The following BSX variants were observed in gnomAD, a reference collection of about 807,000 sequenced individuals.
The protein encoded by BSX is brain-specific homeobox protein homolog.
A neutral mutation model predicts 16.9 loss-of-function variants in BSX; 12 were observed. The observed-to-expected ratio is 0.71, with a 90% CI of 0.46 to 1.15. The LOEUF (loss-of-function observed/expected upper bound fraction) is 1.15. BSX is among the 50% of genes most tolerant of loss of function. The pLI is 0.00. For synonymous variants in BSX, 160 were observed against 136.4 expected (o/e 1.17, Z -1.20); for missense variants, 292 against 311.8 (o/e 0.94, Z 0.48).
intron 1 of BSX, among the ~76,000 whole-genome samples, chr11:122,981,020 G>A (rs751322622): frequency 6.6e-6 from 1 of 152,154 alleles, no homozygotes; most frequent in Non-Finnish European, 1.5e-5. Flanking sequence ...CCATGGGGTG[G>A]GATGGTCAAG....
chr11:122,978,721 C>G (rs548147850), intron 2 of BSX, among the ~76,000 whole-genome samples: 2 of 150,984 alleles, frequency 1.3e-5, no homozygotes, highest in South Asian at 2.1e-4. Context: ...TCCAGAGCCC[C>G]GCTCGAGAAA....
At position 122,979,207 on chromosome 11, in the gene BSX, T is replaced by C. The variant is rs1451630881; in HGVS notation, c.459+54A>G. ...ACAAGGTCCCGAAGGTATTAAGACT[T>C]GAAGGCAGAGAGGAACGAAGCAGAG... On this transcript the variant is annotated intron_variant, in intron 2 of 2. Transcript: ENST00000343035. 4 of 1,519,824 alleles carry C rather than the reference T, an allele frequency of 2.6e-6. No homozygotes were observed. In the African/African-American group the frequency reaches 5.5e-5, roughly 21 times the overall value. The allele number at this position is 1,519,824 out of a possible 1,614,324, so 94.1% of individuals were successfully genotyped here.
rs776621311 is a variant in BSX at position 122,977,680 on chromosome 11, C to G, written c.671G>C (p.Gly224Ala). 6.2e-7 allele frequency: 1 copy of G among 1,611,576 alleles called. No homozygotes were observed. The highest frequency in any genetic ancestry group is 8.5e-7 in the Non-Finnish European group (1 of 1,179,826). Residue 224 changes from glycine to alanine, a missense_variant, in exon 3 of 3, where the codon GGG (glycine) becomes GCG (alanine). By Grantham distance (60) the Gly-to-Ala change is moderately conservative. Coordinates refer to ENST00000343035, the MANE Select transcript of BSX (RefSeq NM_001098169.2). This position sits in a 1 kb window ranked among gnomAD's most constrained non-coding sequence, Gnocchi z 4.5. Reference sequence around the variant, plus strand: ...CACGTGCGGCCCTGAGCCCAGCTCCCCCTCGTCTCCAATGTCCACCTCGTC... The same window carrying G: ...CACGTGCGGCCCTGAGCCCAGCTCCGCCTCGTCTCCAATGTCCACCTCGTC... ...PEDEVDIGDE[G>A]ELGSGPHVL is the part of the protein sequence containing the mutation.
At chr11:122,979,170 T>C (rs1318361822) in intron 2 of BSX, 91 bp downstream of exon 2, 6 of 1,229,566 alleles carry the variant, frequency 4.9e-6, no homozygotes, top group Admixed American at 2.3e-5. Flanking sequence ...GGTCTATTTC[T>C]ACTCGAACTC....
chr11:122,981,524 G>A lies in BSX; in HGVS notation c.148C>T (p.Pro50Ser). The A allele has an allele frequency of 1.9e-6, 3 of 1,596,692 alleles. No individual in the cohort carries two copies. The South Asian group carries it at 3.4e-5, about 18-fold the overall frequency. Residue 50 changes from proline (P) to serine (S), a missense_variant, in exon 1 of 3, where the codon CCT becomes TCT. Pro to Ser is a moderately conservative substitution (Grantham distance 74). This residue lies in a region of BSX where 176 missense variants were observed against 187.2 expected (regional missense o/e 0.94). Transcript: ENST00000343035. ...HFASSLASRV[P>S]LLDYGYPLMP... is the part of the protein sequence containing the mutation. ...AGGGGGTAGCCATAGTCTAGCAGAG[G>A]CACCCGAGAGGCCAGAGAGCTGGCG... is the stretch of plus-strand genomic sequence containing the variant.
At position 122,979,336 on chromosome 11, in the gene BSX, C is replaced by T; in HGVS notation, c.384G>A (p.Arg128=). ...TGGACAGGTAGCGCTGGATCTCGAA[C>T]CTCTTCTCCAAGCCCGAGAGCTGCG... ...SDSQLSGLEK[R]FEIQRYLSTP... Residue 128 remains arginine, a synonymous_variant, in exon 2 of 3, where the codon AGG becomes AGA. Coordinates refer to ENST00000343035, the MANE Select transcript of BSX (RefSeq NM_001098169.2). 6.2e-7 allele frequency: 1 copy of T among 1,614,158 alleles called. No homozygotes were observed. Among genetic ancestry groups the T allele is most frequent in the Non-Finnish European group, 8.5e-7 (1 of 1,180,016 alleles).
intron 1 of BSX, among the ~76,000 whole-genome samples, chr11:122,980,417 G>A (rs549977445): frequency 6.6e-6 from 1 of 152,126 alleles, no homozygotes; most frequent in Non-Finnish European, 1.5e-5. Flanking sequence ...TCACCGGCGG[G>A]TGGTGAAGCC....
rs1453641893 is a variant in BSX, at chr11:122,979,375, C to G, written c.345G>C (p.Thr115=). 6.2e-7 allele frequency: 1 copy of G among 1,614,136 alleles called. No homozygotes were observed. Among genetic ancestry groups the G allele is most frequent in the Non-Finnish European group, 8.5e-7 (1 of 1,180,012 alleles). ...GKHCRRRKAR[T]VFSDSQLSGL... ...CCGAGAGCTGCGAGTCAGAGAAAAC[C>G]GTGCGGGCTTTGCGGCGGCGGCAGT... is the stretch of plus-strand genomic sequence containing the variant. The change falls in exon 2 of 3, where the codon ACG becomes ACC. Residue 115 remains threonine, a synonymous_variant. Transcript: ENST00000343035.
At chr11:122,979,105 G>A (rs1864536686) in intron 2 of BSX, among the ~76,000 whole-genome samples, 156 bp downstream of exon 2, 4 of 152,092 alleles carry the variant, frequency 2.6e-5, no homozygotes, top group Admixed American at 2.6e-4. Context: ...CGCCCGGCCA[G>A]GTGTAGGTAA....
At chr11:122,978,663 T>G (rs888864723) in intron 2 of BSX, among the ~76,000 whole-genome samples, 3 of 152,034 alleles carry the variant, frequency 2.0e-5, no homozygotes, top group African/African-American at 2.4e-5. Flanking sequence ...TAAGAGTTCT[T>G]AACCTGGAGG....
chr11:122,981,626 T>G lies in BSX; in HGVS notation c.46A>C (p.Arg16=), dbSNP rs1239739826. The G allele has an allele frequency of 6.3e-7, 1 of 1,598,428 alleles. No homozygotes were observed. Among genetic ancestry groups the G allele is most frequent in the South Asian group, 1.1e-5 (1 of 88,156 alleles). ...TSPLHPASSQ[R]PTSFFIEDIL... ...TCCTCGATGAAGAAGGATGTGGGCCTCTGAGAAGACGCCGGGTGTAGAGGA... is the reference window on the plus strand; with the variant it reads ...TCCTCGATGAAGAAGGATGTGGGCCGCTGAGAAGACGCCGGGTGTAGAGGA... Residue 16 remains arginine, a synonymous_variant, in exon 1 of 3, where the codon AGG becomes CGG. Transcript: ENST00000343035.
At chr11:122,978,795 CTTTTTTTTTTTT>C (rs35567142) in intron 2 of BSX, among the ~76,000 whole-genome samples, 1 of 64,776 alleles carries the variant, frequency 1.5e-5, no homozygotes, top group African/African-American at 5.5e-5. Flanking sequence ...TTTTTCTTTT[CTTTTTTTTTTTT>C]TTTTTTTTTT....
chr11:122,981,748 A>C lies in BSX; in HGVS notation c.-77T>G, dbSNP rs1448790540. 3.0e-5 allele frequency: 43 copies of C among 1,414,640 alleles called. No homozygotes were observed. Among genetic ancestry groups the C allele is most frequent in the Non-Finnish European group, 4.0e-5 (43 of 1,063,828 alleles). The allele number at this position is 1,414,640 out of a possible 1,614,324, so 87.6% of individuals were successfully genotyped here. A position where few individuals can be genotyped will look rare whatever the true frequency, so the allele number is the denominator to read the frequency against. Reference sequence around the variant, plus strand: ...CAGGCAGAGTCTCCAAGCCTGCTCGAAAGCCGGCAACCACCCTCCGAGGCT... The same window carrying C: ...CAGGCAGAGTCTCCAAGCCTGCTCGCAAGCCGGCAACCACCCTCCGAGGCT... On this transcript the variant is annotated 5_prime_UTR_variant, in exon 1 of 3. Transcript: ENST00000343035.
In BSX at chr11:122,981,514, T is replaced by C. The variant is rs1864571237; in HGVS notation, c.158A>G (p.Asp53Gly). The stretch of plus-strand genomic sequence containing the variant: ...TGTGGGCATGAGGGGGTAGCCATAG[T>C]CTAGCAGAGGCACCCGAGAGGCCAG... ...SSLASRVPLL[D>G]YGYPLMPTPT... Residue 53 changes from aspartate (D) to glycine (G), a missense_variant, in exon 1 of 3, where the codon GAC becomes GGC. Around this residue, in one of 3 missense-constraint regions of BSX, gnomAD observed 176 missense variants for 187.2 expected, o/e 0.94. Transcript: ENST00000343035. The C allele has an allele frequency of 6.3e-7, 1 of 1,594,506 alleles. No individual in the cohort carries two copies. Among genetic ancestry groups the C allele is most frequent in the Non-Finnish European group, 8.5e-7 (1 of 1,170,450 alleles).
chr11:122,980,849 C>T (rs1439297824), intron 1 of BSX, among the ~76,000 whole-genome samples: 1 of 152,142 alleles, frequency 6.6e-6, no homozygotes, highest in Non-Finnish European at 1.5e-5. Flanking sequence ...CTGCATCTCC[C>T]CCTACCCCCC....
chr11:122,981,126 A>C (rs1864562997), intron 1 of BSX, among the ~76,000 whole-genome samples: 1 of 152,176 alleles, frequency 6.6e-6, no homozygotes. Context: ...AGCACTGCCT[A>C]CCAAGAGTAT....
chr11:122,979,228 C>G (rs1864538167), intron 2 of BSX, 33 bp downstream of exon 2: 1 of 1,580,594 alleles, frequency 6.3e-7, no homozygotes, highest in Non-Finnish European at 8.6e-7. Context: ...AGGAACGAAG[C>G]AGAGATCAGG....
chr11:122,979,195 G>A (rs1864537834), intron 2 of BSX, 66 bp downstream of exon 2: 1 of 1,414,402 alleles, frequency 7.1e-7, no homozygotes, highest in Non-Finnish European at 9.7e-7. Context: ...AGGTCCCGAA[G>A]GTATTAAGAC....
At chr11:122,978,295 G>A (rs1229245548) in intron 2 of BSX, among the ~76,000 whole-genome samples, 1 of 152,134 alleles carries the variant, frequency 6.6e-6, no homozygotes. Flanking sequence ...ATCAGACCCG[G>A]GCCTGGCAGA....
Sources: allele counts gnomAD v4.1 joint callset (sites outside exome capture counted in the v4.1 genomes callset), GRCh38; gene constraint gnomAD v4.1.1; regional missense constraint gnomAD v4.1.1; non-coding constraint Gnocchi (gnomAD v3.1); transcripts MANE v1.5; gene names NCBI Gene and HGNC (gene_info 2026-07-23, HGNC 2026-07-21).